Variants in VPS13B observed in about 807,000 individuals in gnomAD.
VPS13B encodes the protein vacuolar protein sorting 13 homolog B.
Under a neutral mutation model 426.4 loss-of-function variants are expected in VPS13B, and 285 were observed. The ratio of observed to expected loss-of-function variants is 0.67; its 90% CI spans 0.61 to 0.74. The LOEUF is 0.74. Ranked by LOEUF, VPS13B falls within the 30% of genes least tolerant of loss-of-function variation. The pLI, the probability that VPS13B is intolerant of heterozygous loss-of-function variation, is 0.00. For synonymous variants in VPS13B, 1,676 were observed against 1,676.4 expected (o/e 1.00, Z 0.01); for missense variants, 4,537 against 4,782.6 (o/e 0.95, Z 1.51).
Position 99,875,744 on chromosome 8 carries a change from C to T in VPS13B, c.*78C>T. 2 of 1,582,780 alleles carry T rather than the reference C, an allele frequency of 1.3e-6. No homozygotes were observed. The highest frequency in any genetic ancestry group is 1.7e-6 in the Non-Finnish European group (2 of 1,156,928). ...TTGAGACAGGGTCTCACTGCATTGC[C>T]CTTGCTGACCTCAAATTCTGGGGTT... On this transcript the variant is annotated 3_prime_UTR_variant, in exon 62 of 62. Coordinates refer to ENST00000357162, the MANE Select transcript of VPS13B (RefSeq NM_152564.5).
intron 3 of VPS13B, among the ~76,000 whole-genome samples, chr8:99,076,250 T>A (rs1845115371): frequency 1.3e-5 from 2 of 152,234 alleles, no homozygotes; most frequent in Admixed American, 6.5e-5. Context: ...TTTAAAAATT[T>A]GCTGAGACTT....
In VPS13B at chr8:99,776,846, C is replaced by T. The variant is rs777428883; in HGVS notation, c.7319C>T (p.Thr2440Ile). Reference sequence around the variant, plus strand: ...ACTCCAACAGCCCTGGCTGCCTGTACCAGAGTTGACTCCTGCTTTACCCCA... The same window carrying T: ...ACTCCAACAGCCCTGGCTGCCTGTATCAGAGTTGACTCCTGCTTTACCCCA... The part of the protein sequence containing the change: ...LVTPTALAAC[T>I]RVDSCFTPWF... The change falls in exon 41 of 62, where the codon ACC (threonine) becomes ATC (isoleucine). Residue 2440 changes from threonine to isoleucine, a missense_variant. Around this residue, in one of 2 missense-constraint regions of VPS13B, gnomAD observed 4,311 missense variants for 4,474.3 expected, o/e 0.96. Transcript: ENST00000357162. 2.0e-5 allele frequency: 33 copies of T among 1,613,960 alleles called. No homozygotes were observed. Among genetic ancestry groups the T allele is most frequent in the Non-Finnish European group, 2.6e-5 (31 of 1,179,976 alleles).
chr8:99,383,525 T>C (rs1339524524), intron 19 of VPS13B, among the ~76,000 whole-genome samples: 2 of 152,178 alleles, frequency 1.3e-5, no homozygotes, highest in Admixed American at 6.5e-5. Flanking sequence ...TGTGATTCAA[T>C]GTTTTATAGT....
chr8:99,016,616 GA>G (rs1387399013), intron 2 of VPS13B, among the ~76,000 whole-genome samples: 1 of 133,098 alleles, frequency 7.5e-6, no homozygotes, highest in Non-Finnish European at 1.6e-5. Context: ...TTTTGAGACG[GA>G]GTCTCGCTCT....
At chr8:99,111,532 T>C (rs1307701084) in intron 6 of VPS13B, among the ~76,000 whole-genome samples, 1 of 152,014 alleles carries the variant, frequency 6.6e-6, no homozygotes, top group East Asian at 1.9e-4. Flanking sequence ...AGCTGTTTAT[T>C]AGTGTTTCTC....
At chr8:99,297,934 G>A (rs1226016279) in intron 19 of VPS13B, among the ~76,000 whole-genome samples, 1 of 152,046 alleles carries the variant, frequency 6.6e-6, no homozygotes, top group African/African-American at 2.4e-5. Context: ...CATTATTGGT[G>A]GATATTTGGA....
At chr8:99,616,553 C>A (rs188852596) in intron 33 of VPS13B, among the ~76,000 whole-genome samples, 125 of 152,232 alleles carry the variant, frequency 8.2e-4, no homozygotes, top group Non-Finnish European at 1.3e-3. Flanking sequence ...TATGGCCGGG[C>A]GCAGTGGCTC....
chr8:99,481,789 G>A lies in VPS13B; in HGVS notation c.3857G>A (p.Gly1286Glu). Residue 1286 changes from glycine (G) to glutamate (E), a missense_variant, in exon 25 of 62, where the codon GGG becomes GAG. By Grantham distance (98) the Gly-to-Glu change is moderately conservative. This residue lies in a region of VPS13B where 4,311 missense variants were observed against 4,474.3 expected (regional missense o/e 0.96). Transcript: ENST00000357162. ...TSTCSPSADI[G>E]TTTEGDSIQA... Reference sequence around the variant, plus strand: ...ACATGCAGCCCATCTGCTGACATTGGGACTACTACTGAGGTAAGTGTTTTT... The same window carrying A: ...ACATGCAGCCCATCTGCTGACATTGAGACTACTACTGAGGTAAGTGTTTTT... 6.2e-7 allele frequency: 1 copy of A among 1,613,694 alleles called. No individual in the cohort carries two copies. The highest frequency in any genetic ancestry group is 8.5e-7 in the Non-Finnish European group (1 of 1,179,744).
chr8:99,507,079 C>G (rs1821538604), intron 27 of VPS13B, 58 bp from the exon 28 acceptor site: 3 of 1,585,894 alleles, frequency 1.9e-6, no homozygotes, highest in Non-Finnish European at 2.6e-6. Flanking sequence ...TATGTATGTT[C>G]AATTTCTTAA....
chr8:99,240,564 A>T (rs578021722), intron 17 of VPS13B, among the ~76,000 whole-genome samples: 1 of 152,210 alleles, frequency 6.6e-6, no homozygotes, highest in Non-Finnish European at 1.5e-5. Flanking sequence ...TGTACTCATT[A>T]TGATTTCTAA....
intron 33 of VPS13B, among the ~76,000 whole-genome samples, chr8:99,630,703 C>T (rs754368970): frequency 6.6e-6 from 1 of 151,222 alleles, no homozygotes; most frequent in Non-Finnish European, 1.5e-5. Context: ...CTCTCAAATT[C>T]TGTTTTCATG....
At chr8:99,733,281 A>G (rs1833676138) in intron 39 of VPS13B, among the ~76,000 whole-genome samples, 1 of 152,204 alleles carries the variant, frequency 6.6e-6, no homozygotes, top group Admixed American at 6.5e-5. Context: ...AGGGAAGTAC[A>G]GAAAAACAAT....
At chr8:99,340,651 C>T (rs1811190170) in intron 19 of VPS13B, 2 of 412,834 alleles carry the variant, frequency 4.8e-6, no homozygotes, top group Admixed American at 3.0e-5. Flanking sequence ...CACTTTCTTC[C>T]TTGCTAGGAG....
intron 43 of VPS13B, among the ~76,000 whole-genome samples, chr8:99,788,469 CAG>C (rs370504847): frequency 1.1e-3 from 153 of 145,014 alleles, no homozygotes; most frequent in African/African-American, 3.7e-3. Context: ...ATTCATTAAA[CAG>C]AGTGACACAT....
chr8:99,053,776 C>T (rs1843688803), intron 3 of VPS13B, among the ~76,000 whole-genome samples: 2 of 148,684 alleles, frequency 1.3e-5, no homozygotes, highest in Non-Finnish European at 3.0e-5. Flanking sequence ...AGTTCCAGTT[C>T]ACTTCAACCT....
intron 22 of VPS13B, 85 bp downstream of exon 22, chr8:99,431,749 C>G: frequency 7.1e-7 from 1 of 1,409,216 alleles, no homozygotes; most frequent in South Asian, 1.2e-5. Context: ...TAAGACTTTT[C>G]TCACATGTAA....
intron 19 of VPS13B, among the ~76,000 whole-genome samples, chr8:99,355,675 G>A (rs1434233851): frequency 6.6e-6 from 1 of 152,150 alleles, no homozygotes; most frequent in Admixed American, 6.5e-5. Flanking sequence ...TACCAAGTAT[G>A]TTCCTATTTA....
chr8:99,408,291 G>A lies in VPS13B; in HGVS notation c.3082+16587G>A, dbSNP rs772004164. Among the ~76,000 whole-genome samples the A allele has an allele frequency of 1.1e-4, 16 of 152,114 alleles. 1 individual carries two copies. The highest frequency in any genetic ancestry group is 2.0e-4 in the Admixed American group (3 of 15,254). ...AAGTGTAGAAGGAGATAAGCCGGGT[G>A]CCATATGGCTCTTGGCCATAGTGTA... is the stretch of plus-strand genomic sequence containing the variant. On this transcript the variant is annotated intron_variant, in intron 21 of 61. Coordinates refer to ENST00000357162, the MANE Select transcript of VPS13B (RefSeq NM_152564.5).
intron 33 of VPS13B, among the ~76,000 whole-genome samples, chr8:99,626,305 A>C (rs781234180): frequency 1.3e-4 from 20 of 152,228 alleles, no homozygotes. Context: ...TGAGCCCTGT[A>C]AACATTGTAC....
Sources: gnomAD v4.1 joint callset for allele counts (sites outside exome capture counted in the v4.1 genomes callset) on GRCh38, gnomAD v4.1.1 for gene constraint, gnomAD v4.1.1 regional missense constraint, MANE v1.5 for transcripts, NCBI Gene and HGNC (gene_info 2026-07-23, HGNC 2026-07-21) for gene names.